Variants in FHIT observed in about 807,000 individuals in gnomAD.
FHIT encodes bis(5'-adenosyl)-triphosphatase.
FHIT carries 19 observed loss-of-function variants against 17.9 expected under a neutral mutation model. That is an observed-to-expected ratio of 1.06 (90% CI 0.74 to 1.56). The LOEUF (loss-of-function observed/expected upper bound fraction) is 1.56. FHIT is among the 40% of genes most tolerant of loss of function. The pLI, the probability that FHIT is intolerant of heterozygous loss-of-function variation, is 0.00. For synonymous variants in FHIT, 81 were observed against 69.7 expected (o/e 1.16, Z -0.81); for missense variants, 248 against 189.2 (o/e 1.31, Z -1.82).
chr3:60,145,185 T>C (rs1700190081), intron 5 of FHIT, among the ~76,000 whole-genome samples: 1 of 152,198 alleles, frequency 6.6e-6, no homozygotes, highest in Non-Finnish European at 1.5e-5. Flanking sequence ...TACTTTCTAC[T>C]GAAAATAATA....
chr3:60,808,652 T>G (rs534963341), intron 4 of FHIT, among the ~76,000 whole-genome samples: 1 of 152,180 alleles, frequency 6.6e-6, no homozygotes, highest in Non-Finnish European at 1.5e-5. Context: ...GGAAAAGGGA[T>G]GAAGAAAGCA....
intron 4 of FHIT, among the ~76,000 whole-genome samples, chr3:60,624,240 G>C (rs1299857941): frequency 2.0e-5 from 3 of 152,216 alleles, no homozygotes; most frequent in African/African-American, 7.2e-5. Flanking sequence ...GAGAAGCAAG[G>C]AGTGGTAAGA....
intron 7 of FHIT, among the ~76,000 whole-genome samples, chr3:59,980,903 A>C (rs1378824223): frequency 6.6e-6 from 1 of 152,184 alleles, no homozygotes; most frequent in African/African-American, 2.4e-5. Context: ...ATAATTTACA[A>C]TGTGTCCTAA....
chr3:60,671,172 A>G (rs1473246549), intron 4 of FHIT, among the ~76,000 whole-genome samples: 3 of 152,194 alleles, frequency 2.0e-5, no homozygotes, highest in Admixed American at 6.5e-5. Flanking sequence ...GGGAGAGTGG[A>G]TTACCCTCAG....
At chr3:60,068,307 T>C (rs1344171137) in intron 5 of FHIT, among the ~76,000 whole-genome samples, 1 of 152,098 alleles carries the variant, frequency 6.6e-6, no homozygotes, top group African/African-American at 2.4e-5. Flanking sequence ...AAGCTGAAAA[T>C]GTTTGCTTTC....
intron 4 of FHIT, among the ~76,000 whole-genome samples, chr3:60,607,956 T>C (rs2038661361): frequency 6.6e-6 from 1 of 152,206 alleles, no homozygotes; most frequent in Admixed American, 6.5e-5. Flanking sequence ...CCTTACTTGC[T>C]GAAACTCAAG....
At chr3:59,978,680 T>C (rs1371651294) in intron 7 of FHIT, among the ~76,000 whole-genome samples, 1 of 149,490 alleles carries the variant, frequency 6.7e-6, no homozygotes, top group Non-Finnish European at 1.5e-5. Context: ...ACTGCAAAAC[T>C]ATGTGCATAT....
intron 5 of FHIT, among the ~76,000 whole-genome samples, chr3:60,306,675 T>G (rs898882920): frequency 2.0e-5 from 3 of 152,258 alleles, no homozygotes; most frequent in African/African-American, 7.2e-5. Flanking sequence ...ATGGGTCTCT[T>G]TGCACTGCTT....
At chr3:60,933,374 T>C (rs9876863) in intron 3 of FHIT, among the ~76,000 whole-genome samples, 90,989 of 151,974 alleles carry the variant, frequency 0.6, 27,538 homozygotes, top group East Asian at 0.69. Flanking sequence ...TGCAAAATAA[T>C]ATTTAATCAT....
chr3:60,112,005 G>T (rs1295852822), intron 5 of FHIT, among the ~76,000 whole-genome samples: 1 of 152,054 alleles, frequency 6.6e-6, no homozygotes, highest in East Asian at 1.9e-4. Context: ...CAACTAAAAC[G>T]GGCATAAACC....
intron 5 of FHIT, among the ~76,000 whole-genome samples, chr3:60,442,314 G>C (rs1398541973): frequency 6.6e-6 from 1 of 152,010 alleles, no homozygotes; most frequent in Admixed American, 6.6e-5. Flanking sequence ...TCTGGTGGTG[G>C]GAAGATGGTC....
chr3:60,062,373 T>A (rs769821285), intron 5 of FHIT, among the ~76,000 whole-genome samples: 19 of 152,202 alleles, frequency 1.2e-4, no homozygotes, highest in Non-Finnish European at 2.8e-4. Flanking sequence ...AGAGTAACTG[T>A]CGTAACACTC....
chr3:59,966,458 A>G (rs1022198986), intron 7 of FHIT, among the ~76,000 whole-genome samples: 1 of 152,198 alleles, frequency 6.6e-6, no homozygotes, highest in Non-Finnish European at 1.5e-5. Context: ...GTATACTAGT[A>G]TATTTCACCC....
chr3:60,465,155 C>T (rs560430787), intron 5 of FHIT, among the ~76,000 whole-genome samples: 14 of 152,010 alleles, frequency 9.2e-5, no homozygotes, highest in African/African-American at 1.4e-4. Flanking sequence ...CATATATTTG[C>T]CATTTGTATG....
At chr3:61,135,582 AACACAC>A (rs10575654) in intron 2 of FHIT, among the ~76,000 whole-genome samples, 8 of 151,190 alleles carry the variant, frequency 5.3e-5, no homozygotes, top group Non-Finnish European at 1.0e-4. Flanking sequence ...CTTGTGTTCG[AACACAC>A]ACACACACAC....
chr3:60,392,206 G>T (rs1701260031), intron 5 of FHIT, among the ~76,000 whole-genome samples: 1 of 152,256 alleles, frequency 6.6e-6, no homozygotes, highest in Admixed American at 6.5e-5. Context: ...AGTTTGAAAA[G>T]ATCCCGTATC....
intron 8 of FHIT, among the ~76,000 whole-genome samples, chr3:59,817,894 C>T (rs1016520617): frequency 6.6e-6 from 1 of 152,002 alleles, no homozygotes; most frequent in Non-Finnish European, 1.5e-5. Context: ...AGGCTGAGAG[C>T]TTCAGGGGCA....
Position 60,443,589 on chromosome 3 carries a change from A to G in FHIT, c.103+93271T>C, listed in dbSNP as rs182117577. Among the ~76,000 whole-genome samples, 36 of 152,250 alleles carry G rather than the reference A, an allele frequency of 2.4e-4. 1 individual carries two copies. Among genetic ancestry groups the G allele is most frequent in the African/African-American group, 7.2e-4 (30 of 41,564 alleles). ...ATGGATTACATTTATTGATTTGCATATGTTGAACCAGCCTTGCATCCCAGG... is the reference window on the plus strand; with the variant it reads ...ATGGATTACATTTATTGATTTGCATGTGTTGAACCAGCCTTGCATCCCAGG... On this transcript the variant is annotated intron_variant, in intron 5 of 9. Coordinates refer to ENST00000492590, the MANE Select transcript of FHIT (RefSeq NM_002012.4).
chr3:59,800,100 C>T (rs1249283824), intron 8 of FHIT, among the ~76,000 whole-genome samples: 3 of 152,144 alleles, frequency 2.0e-5, no homozygotes, highest in Admixed American at 6.5e-5. Flanking sequence ...TCTGTTACTT[C>T]GACAATTGCC....
Sources: allele counts gnomAD v4.1 joint callset (sites outside exome capture counted in the v4.1 genomes callset), GRCh38; gene constraint gnomAD v4.1.1; transcripts MANE v1.5; gene names NCBI Gene and HGNC (gene_info 2026-07-23, HGNC 2026-07-21).